The following GGT1 variants were observed in gnomAD, a reference collection of about 807,000 sequenced individuals.
GGT1 encodes the protein gamma-glutamyltransferase 1.
Under a neutral mutation model 56.0 loss-of-function variants are expected in GGT1, and 21 were observed. The ratio of observed to expected loss-of-function variants is 0.38; its 90% CI spans 0.27 to 0.54. The LOEUF (loss-of-function observed/expected upper bound fraction) is 0.54. Ranked by LOEUF, GGT1 falls within the 20% of genes least tolerant of loss-of-function variation. The pLI, the probability that GGT1 is intolerant of heterozygous loss-of-function variation, is 0.82. For missense variants in GGT1, 466 were observed against 787.0 expected, an observed-to-expected ratio of 0.59 and a Z score of 4.88; for synonymous variants, 238 against 342.6, an observed-to-expected ratio of 0.69 and a Z score of 3.37.
At chr22:24,583,870 G>T in the GGT1 span, 1 of 455,678 alleles carries the variant, frequency 2.2e-6, no homozygotes. Context: ...TGGTGGGCAG[G>T]GAGTCAGCAG....
intron 11 of GGT1, among the ~76,000 whole-genome samples, chr22:24,626,267 GCCTCCCAAAGTGCTGGGATTACAGGCGT>G (rs2047757037): frequency 2.7e-5 from 4 of 147,486 alleles, no homozygotes; most frequent in Admixed American, 2.0e-4. Flanking sequence ...ACAGGCCTCG[GCCTCCCAAAGTGCTGGGATTACAGGCGT>G]GAGCCACCGC....
At chr22:24,586,244 A>T in the GGT1 span, 2 of 1,613,794 alleles carry the variant, frequency 1.2e-6, no homozygotes, top group Non-Finnish European at 1.7e-6. Flanking sequence ...CAGGAGGTGC[A>T]GCAGCTCATC....
chr22:24,587,290 G>A, the GGT1 span, among the ~76,000 whole-genome samples: 7 of 152,326 alleles, frequency 4.6e-5, no homozygotes, highest in Admixed American at 2.6e-4. Context: ...ATGAGGGAGG[G>A]CTCCCCGTGT....
upstream of GGT1, among the ~76,000 whole-genome samples, chr22:24,590,321 G>A (rs2045531678): frequency 6.6e-6 from 1 of 152,126 alleles, no homozygotes; most frequent in Non-Finnish European, 1.5e-5. Flanking sequence ...TTGTAGAAAT[G>A]GGGTCTCACT....
the GGT1 span, chr22:24,585,996 G>C: frequency 1.2e-6 from 2 of 1,610,654 alleles, no homozygotes; most frequent in East Asian, 4.5e-5. Flanking sequence ...TCAAGGTCCA[G>C]GCCCTCGTAG....
the GGT1 span, chr22:24,589,391 G>T: frequency 9.2e-7 from 1 of 1,085,174 alleles, no homozygotes. Context: ...ACAGGATGGA[G>T]ACCTGCGGAC....
intron 5 of GGT1, among the ~76,000 whole-genome samples, 199 bp from the exon 6 acceptor site, chr22:24,614,577 C>T (rs1350033868): frequency 1.4e-5 from 2 of 144,278 alleles, no homozygotes; most frequent in Non-Finnish European, 3.0e-5. Flanking sequence ...GATCGTGCCA[C>T]TGCACTCCAG....
chr22:24,595,728 C>T (rs2045682297), intron 1 of GGT1, among the ~76,000 whole-genome samples: 1 of 152,222 alleles, frequency 6.6e-6, no homozygotes, highest in South Asian at 2.1e-4. Context: ...CTCAAGCCCT[C>T]TGCCACCCAT....
chr22:24,620,990 A>G lies in GGT1; in HGVS notation c.653A>G (p.Glu218Gly). The change falls in exon 9 of 16, where the codon GAG becomes GGG. Residue 218 changes from glutamate (E) to glycine (G), a missense_variant. Physicochemically the swap from Glu to Gly is moderately conservative, Grantham distance 98. Transcript: ENST00000400382. This position sits in a 1 kb window ranked among gnomAD's most constrained non-coding sequence, Gnocchi z 5.6. Reference sequence around the variant, plus strand: ...CTGCCGCAGCTGGCTGACACCTACGAGACGCTGGCCATCGAGGGTGCCCAG... The same window carrying G: ...CTGCCGCAGCTGGCTGACACCTACGGGACGCTGGCCATCGAGGGTGCCCAG... ...LTLPQLADTY[E>G]TLAIEGAQAF... 2 of 1,611,860 alleles carry G rather than the reference A, an allele frequency of 1.2e-6. No individual in the cohort carries two copies. The highest frequency in any genetic ancestry group is 1.7e-6 in the Non-Finnish European group (2 of 1,179,804).
chr22:24,585,694 G>T, the GGT1 span: 53 of 655,332 alleles, frequency 8.1e-5, no homozygotes, highest in African/African-American at 9.1e-4. Context: ...CTCCCACTGA[G>T]GGAAGGCTGA....
At chr22:24,588,624 G>A in the GGT1 span, 31 of 1,070,294 alleles carry the variant, frequency 2.9e-5, no homozygotes, top group Admixed American at 1.5e-4. Context: ...CAGGGCCAGC[G>A]TCTCGGGCTA....
rs2046575979 is a variant in GGT1 at position 24,610,295 on chromosome 22, A to C, written c.-244A>C. The stretch of plus-strand genomic sequence containing the variant: ...AACCAGCTAGAGGCAGAGGGAGGTA[A>C]CACGGAGTCCCCCAGAAAGGTCTGG... On this transcript the variant is annotated 5_prime_UTR_variant, in exon 4 of 16. Coordinates refer to ENST00000400382, the MANE Select transcript of GGT1 (RefSeq NM_001288833.2). 3.3e-6 allele frequency: 1 copy of C among 303,476 alleles called. No individual in the cohort carries two copies. The highest frequency in any genetic ancestry group is 2.6e-5 in the South Asian group (1 of 37,894). The allele number at this position is 303,476 out of a possible 1,614,324, so 18.8% of individuals were successfully genotyped here. A position where few individuals can be genotyped will look rare whatever the true frequency, so the allele number is the denominator to read the frequency against.
chr22:24,610,160 C>G, intron 3 of GGT1, 90 bp from the exon 4 acceptor site: 1 of 345,508 alleles, frequency 2.9e-6, no homozygotes, highest in Non-Finnish European at 6.0e-6. Flanking sequence ...TGCCCTGCTC[C>G]GTGCAAAACC....
Position 24,620,585 on chromosome 22 carries a change from C to T in GGT1, c.575+65C>T, listed in dbSNP as rs994924288. 95 of 1,608,086 alleles carry T rather than the reference C, an allele frequency of 5.9e-5. No homozygotes were observed. The African/African-American group carries it at 7.9e-4, about 13-fold the overall frequency. ...GGCACAGCCCAAGGACCTTGCAGGC[C>T]GTAGCAGCAGTGGAGCAGCCCTCTG... On this transcript the variant is annotated intron_variant, in intron 8 of 15. Coordinates refer to ENST00000400382, the MANE Select transcript of GGT1 (RefSeq NM_001288833.2). This position sits in a 1 kb window ranked among gnomAD's most constrained non-coding sequence, Gnocchi z 5.6.
chr22:24,617,039 T>C (rs372672533), intron 7 of GGT1, among the ~76,000 whole-genome samples: 22 of 152,244 alleles, frequency 1.4e-4, no homozygotes, highest in South Asian at 1.0e-3. Context: ...AAAACAAAGA[T>C]GGCAGATGAA....
intron 1 of GGT1, among the ~76,000 whole-genome samples, chr22:24,596,062 T>C (rs2045687259): frequency 6.6e-6 from 1 of 152,188 alleles, no homozygotes. Flanking sequence ...CAGGAACGGG[T>C]TGTCAACCTT....
intron 6 of GGT1, 56 bp downstream of exon 6, chr22:24,614,962 G>A: frequency 6.9e-7 from 1 of 1,447,690 alleles, no homozygotes; most frequent in Admixed American, 1.8e-5. Context: ...TTGGGCCGAG[G>A]CACAGCTGGG....
intron 1 of GGT1, among the ~76,000 whole-genome samples, chr22:24,606,045 T>TTATATA (rs2046291592): frequency 1.1e-5 from 1 of 89,362 alleles, no homozygotes; most frequent in African/African-American, 5.0e-5. Context: ...ATATAATATA[T>TTATATA]CATATATTAT....
chr22:24,625,903 C>T (rs2147520644), intron 11 of GGT1, among the ~76,000 whole-genome samples: 1 of 150,184 alleles, frequency 6.7e-6, no homozygotes, highest in East Asian at 1.9e-4. Context: ...CTTTCTGTTT[C>T]CTTGAGGGCA....
Sources: gnomAD v4.1 joint callset for allele counts (sites outside exome capture counted in the v4.1 genomes callset) on GRCh38, gnomAD v4.1.1 for gene constraint, Gnocchi (gnomAD v3.1) non-coding constraint, MANE v1.5 for transcripts, NCBI Gene and HGNC (gene_info 2026-07-23, HGNC 2026-07-21) for gene names.